The following PIBF1 variants were observed in gnomAD, a reference collection of about 807,000 sequenced individuals.
PIBF1 encodes progesterone immunomodulatory binding factor 1.
A neutral mutation model predicts 112.5 loss-of-function variants in PIBF1; 90 were observed. That is an observed-to-expected ratio of 0.80 (90% CI 0.67 to 0.95). PIBF1 has a LOEUF of 0.95. Ranked by LOEUF, PIBF1 falls within the 40% of genes least tolerant of loss-of-function variation. The probability of loss-of-function intolerance (pLI) is 0.00; values close to 1 mark genes in which losing one functional copy is unlikely to be tolerated. For missense variants in PIBF1, 915 were observed against 852.3 expected, an observed-to-expected ratio of 1.07 and a Z score of -0.92; for synonymous variants, 301 against 288.6, an observed-to-expected ratio of 1.04 and a Z score of -0.44.
At chr13:72,971,506 G>A (rs889021760) in intron 15 of PIBF1, among the ~76,000 whole-genome samples, 1 of 152,058 alleles carries the variant, frequency 6.6e-6, no homozygotes, top group Non-Finnish European at 1.5e-5. Context: ...GCTCTTGTGG[G>A]ATCTCTGGCG....
intron 14 of PIBF1, among the ~76,000 whole-genome samples, chr13:72,962,218 G>T (rs1015689640): frequency 1.3e-5 from 2 of 152,136 alleles, no homozygotes; most frequent in South Asian, 4.1e-4. Flanking sequence ...TATAGGTTAT[G>T]TGAAAAGGCA....
In PIBF1 at chr13:72,949,586, G is replaced by A. The variant is rs562784768; in HGVS notation, c.1834-15688G>A. 3.0e-3 allele frequency among the ~76,000 whole-genome samples: 460 copies of A among 152,142 alleles called. 1 individual carries two copies. The highest frequency in any genetic ancestry group is 1.0e-2 in the African/African-American group (415 of 41,542). ...CCCGCCTCGGCCTCCCAAAGTGCTG[G>A]GATTACAGGCGTGAGCCACGGCACC... On this transcript the variant is annotated intron_variant, in intron 14 of 17. Coordinates refer to ENST00000326291, the MANE Select transcript of PIBF1 (RefSeq NM_006346.4).
At chr13:72,874,168 T>TAA (rs1356872875) in intron 10 of PIBF1, among the ~76,000 whole-genome samples, 11 of 152,192 alleles carry the variant, frequency 7.2e-5, no homozygotes, top group Admixed American at 2.0e-4. Flanking sequence ...AGTCACTTTG[T>TAA]GTGACTGTGT....
chr13:72,954,267 G>A, intron 14 of PIBF1, among the ~76,000 whole-genome samples: 1 of 152,176 alleles, frequency 6.6e-6, no homozygotes, highest in Non-Finnish European at 1.5e-5. Context: ...ACTGCCCCAA[G>A]CAGTAAGCCT....
chr13:72,918,985 T>A (rs2041201954), intron 13 of PIBF1, among the ~76,000 whole-genome samples: 2 of 152,140 alleles, frequency 1.3e-5, no homozygotes, highest in Non-Finnish European at 2.9e-5. Context: ...ATTACAGGCA[T>A]GAGCTACCAC....
chr13:72,893,697 G>A (rs2040146610), intron 10 of PIBF1, 87 bp from the exon 11 acceptor site: 1 of 730,044 alleles, frequency 1.4e-6, no homozygotes, highest in Non-Finnish European at 2.1e-6. Flanking sequence ...ATATGGGGGA[G>A]TAGAAAACAT....
intron 11 of PIBF1, among the ~76,000 whole-genome samples, chr13:72,894,992 C>CA (rs2040220093): frequency 6.6e-6 from 1 of 150,436 alleles, no homozygotes; most frequent in South Asian, 2.1e-4. Flanking sequence ...GGTGTGGTGG[C>CA]ATGCACCTGT....
At chr13:72,937,959 A>G (rs1024787260) in intron 14 of PIBF1, among the ~76,000 whole-genome samples, 13 of 152,192 alleles carry the variant, frequency 8.5e-5, no homozygotes, top group Non-Finnish European at 1.0e-4. Flanking sequence ...ACTGTTATCT[A>G]TTCCTTCTGG....
intron 14 of PIBF1, among the ~76,000 whole-genome samples, chr13:72,962,946 G>A (rs562444728): frequency 2.0e-5 from 3 of 152,218 alleles, no homozygotes; most frequent in Non-Finnish European, 2.9e-5. Flanking sequence ...AAAAACCCAC[G>A]GAATATTAAT....
At chr13:72,882,611 T>C (rs1055344098) in intron 10 of PIBF1, among the ~76,000 whole-genome samples, 1 of 152,208 alleles carries the variant, frequency 6.6e-6, no homozygotes, top group South Asian at 2.1e-4. Context: ...AATAATCCAA[T>C]TTTTAAATGG....
chr13:72,827,245 T>C (rs888612870), intron 7 of PIBF1, 127 bp downstream of exon 7: 1 of 364,214 alleles, frequency 2.7e-6, no homozygotes, highest in African/African-American at 2.3e-5. Flanking sequence ...TAAATTTTTT[T>C]TTTTTTTTTT....
intron 10 of PIBF1, among the ~76,000 whole-genome samples, chr13:72,863,380 G>A (rs180929797): frequency 1.5e-4 from 23 of 152,192 alleles, no homozygotes; most frequent in South Asian, 1.5e-3. Flanking sequence ...GCCAGGGCGC[G>A]GTGGCTCACG....
chr13:72,804,751 G>A (rs1342531325), intron 5 of PIBF1, among the ~76,000 whole-genome samples: 2 of 152,146 alleles, frequency 1.3e-5, no homozygotes, highest in Non-Finnish European at 2.9e-5. Flanking sequence ...ATGTTTCGAG[G>A]TGTCTGTTCT....
chr13:72,829,691 A>G (rs2037004811), intron 8 of PIBF1, among the ~76,000 whole-genome samples: 1 of 152,108 alleles, frequency 6.6e-6, no homozygotes, highest in African/African-American at 2.4e-5. Flanking sequence ...GCCTTGTAGT[A>G]TAGTTTGAAG....
intron 2 of PIBF1, among the ~76,000 whole-genome samples, chr13:72,792,077 C>G (rs1291246942): frequency 1.3e-5 from 2 of 152,062 alleles, no homozygotes; most frequent in African/African-American, 2.4e-5. Flanking sequence ...GGACTGATCA[C>G]TTGAGGTCAG....
At chr13:72,861,981 G>T (rs771203296) in intron 10 of PIBF1, among the ~76,000 whole-genome samples, 6 of 152,188 alleles carry the variant, frequency 3.9e-5, no homozygotes, top group Non-Finnish European at 7.3e-5. Flanking sequence ...TTTGAGGCTG[G>T]AGGTTTCTAG....
intron 11 of PIBF1, among the ~76,000 whole-genome samples, chr13:72,905,055 T>C (rs1594165606): frequency 7.3e-6 from 1 of 137,078 alleles, no homozygotes; most frequent in East Asian, 2.4e-4. Context: ...AACCTCACTT[T>C]AAATCCCATA....
intron 5 of PIBF1, among the ~76,000 whole-genome samples, chr13:72,808,153 T>TTTG (rs140858531): frequency 0.13 from 20,127 of 152,190 alleles, 1,482 homozygotes; most frequent in Non-Finnish European, 0.17. Flanking sequence ...TGGACATGTT[T>TTTG]TTTCTCTTGA....
At chr13:72,835,060 A>T (rs1049321383) in intron 8 of PIBF1, among the ~76,000 whole-genome samples, 183 bp from the exon 9 acceptor site, 1 of 152,180 alleles carries the variant, frequency 6.6e-6, no homozygotes, top group Non-Finnish European at 1.5e-5. Context: ...GAAATCTTAG[A>T]TCATACTAGT....
Sources: allele counts gnomAD v4.1 joint callset (sites outside exome capture counted in the v4.1 genomes callset), GRCh38; gene constraint gnomAD v4.1.1; transcripts MANE v1.5; gene names NCBI Gene and HGNC (gene_info 2026-07-23, HGNC 2026-07-21).